Variants in TBCK observed in about 807,000 individuals in gnomAD.
The protein encoded by TBCK is TBC1 domain containing kinase, also known as TBC domain-containing protein kinase-like protein.
A neutral mutation model predicts 113.4 loss-of-function variants in TBCK; 99 were observed. The observed-to-expected ratio is 0.87, with a 90% CI of 0.74 to 1.03. TBCK has a LOEUF of 1.03. Ranked by LOEUF, TBCK falls within the 50% of genes least tolerant of loss-of-function variation. The pLI, the probability that TBCK is intolerant of heterozygous loss-of-function variation, is 0.00. For synonymous variants in TBCK, 369 were observed against 370.8 expected (o/e 1.00, Z 0.05); for missense variants, 1,045 against 1,061.3 (o/e 0.98, Z 0.21).
chr4:106,144,607 T>A (rs933626548), intron 23 of TBCK, among the ~76,000 whole-genome samples: 2 of 152,234 alleles, frequency 1.3e-5, no homozygotes, highest in African/African-American at 4.8e-5. Context: ...TTTAAAATTA[T>A]GAGAGGGACA....
In TBCK at chr4:106,278,838, A is replaced by G. The variant is rs190979776; in HGVS notation, c.266+16256T>C. Among the ~76,000 whole-genome samples the G allele has an allele frequency of 3.6e-3, 551 of 152,094 alleles. 3 individuals are homozygous for G. Among genetic ancestry groups the G allele is most frequent in the African/African-American group, 0.013 (523 of 41,538 alleles). ...AACTCATAAAACACTATAAATTTTA[A>G]GGATGCATAATGTAAACTCTATTGC... On this transcript the variant is annotated intron_variant, in intron 3 of 25. Coordinates refer to ENST00000394708, the MANE Select transcript of TBCK (RefSeq NM_001163435.3).
At chr4:106,092,757 C>T (rs1050808262) in intron 25 of TBCK, among the ~76,000 whole-genome samples, 10 of 152,240 alleles carry the variant, frequency 6.6e-5, no homozygotes, top group Admixed American at 6.5e-4. Flanking sequence ...AGTCCCGGTT[C>T]CCGCCTGTGC....
intron 2 of TBCK, among the ~76,000 whole-genome samples, chr4:106,307,414 G>A (rs1469957856): frequency 1.3e-5 from 2 of 151,814 alleles, no homozygotes; most frequent in East Asian, 1.9e-4. Context: ...AAATTTTAAC[G>A]ATTAATAATT....
chr4:106,217,517 A>G (rs1421465985), intron 19 of TBCK, among the ~76,000 whole-genome samples: 1 of 152,202 alleles, frequency 6.6e-6, no homozygotes, highest in South Asian at 2.1e-4. Context: ...AACTTCAGCA[A>G]AGTCTCAGGA....
At chr4:106,191,831 T>G (rs1753703619) in intron 22 of TBCK, among the ~76,000 whole-genome samples, 1 of 152,170 alleles carries the variant, frequency 6.6e-6, no homozygotes, top group Non-Finnish European at 1.5e-5. Context: ...CCTATTTGAA[T>G]AGCATGCTCT....
intron 3 of TBCK, among the ~76,000 whole-genome samples, chr4:106,274,209 T>A (rs1763785779): frequency 6.6e-6 from 1 of 152,156 alleles, no homozygotes; most frequent in Non-Finnish European, 1.5e-5. Context: ...TAACAAATGT[T>A]GGTAAGGATG....
chr4:106,159,688 A>C (rs1749535560), intron 23 of TBCK, among the ~76,000 whole-genome samples: 1 of 152,100 alleles, frequency 6.6e-6, no homozygotes, highest in South Asian at 2.1e-4. Flanking sequence ...TAATATTGTT[A>C]AGATATCAAT....
At chr4:106,124,402 G>GGTGGTT (rs1347124162) in intron 23 of TBCK, among the ~76,000 whole-genome samples, 2 of 152,146 alleles carry the variant, frequency 1.3e-5, no homozygotes, top group Non-Finnish European at 2.9e-5. Context: ...CACTGTTGGT[G>GGTGGTT]GAACTGTAAA....
chr4:106,119,947 C>G (rs1423511795), intron 23 of TBCK, among the ~76,000 whole-genome samples: 1 of 151,868 alleles, frequency 6.6e-6, no homozygotes, highest in Non-Finnish European at 1.5e-5. Flanking sequence ...AAATCAAAAC[C>G]ACAATGTGAG....
intron 23 of TBCK, among the ~76,000 whole-genome samples, chr4:106,167,655 T>G (rs767632209): frequency 7.3e-5 from 11 of 151,502 alleles, no homozygotes; most frequent in Non-Finnish European, 1.6e-4. Context: ...ATTATTCAAA[T>G]TACAAATAGC....
intron 19 of TBCK, among the ~76,000 whole-genome samples, chr4:106,229,954 G>A (rs1283483098): frequency 1.3e-5 from 2 of 151,848 alleles, no homozygotes; most frequent in African/African-American, 4.8e-5. Flanking sequence ...TATATTTTGG[G>A]TATGCATGCA....
chr4:106,071,598 T>A (rs904359874), intron 25 of TBCK, among the ~76,000 whole-genome samples: 1 of 152,226 alleles, frequency 6.6e-6, no homozygotes, highest in Admixed American at 6.5e-5. Flanking sequence ...AAGAGTTCTG[T>A]AGATGTCTAT....
chr4:106,109,018 T>C (rs200945852), intron 24 of TBCK, among the ~76,000 whole-genome samples: 75 of 140,570 alleles, frequency 5.3e-4, no homozygotes, highest in Non-Finnish European at 8.2e-4. Context: ...GACACACACA[T>C]ACACACACAC....
At chr4:106,168,128 TAAAACA>T (rs1750603144) in intron 23 of TBCK, among the ~76,000 whole-genome samples, 1 of 151,786 alleles carries the variant, frequency 6.6e-6, no homozygotes, top group South Asian at 2.1e-4. Context: ...CAACAATGTA[TAAAACA>T]AATTATATAC....
intron 24 of TBCK, among the ~76,000 whole-genome samples, chr4:106,096,712 T>C (rs1486086921): frequency 6.6e-6 from 1 of 152,168 alleles, no homozygotes; most frequent in Non-Finnish European, 1.5e-5. Context: ...TGATGGTGGA[T>C]ATATGATGCA....
rs1746505313 is a variant in TBCK at position 106,135,953 on chromosome 4, G to A, written c.2236-19575C>T. On this transcript the variant is annotated intron_variant, in intron 23 of 25. Coordinates refer to ENST00000394708, the MANE Select transcript of TBCK (RefSeq NM_001163435.3). ...ACAGATATGTACTGCAGGATTTTTC[G>A]AGGAATGTGTCACATAGTAATAACA... Among the ~76,000 whole-genome samples the A allele has an allele frequency of 3.5e-5, 5 of 141,238 alleles. 1 individual carries two copies. The highest frequency in any genetic ancestry group is 3.2e-5 in the Non-Finnish European group (2 of 62,266). The allele number at this position is 141,238 out of a possible 152,430, so 92.7% of individuals were successfully genotyped here. A position where few individuals can be genotyped will look rare whatever the true frequency, so the allele number is the denominator to read the frequency against.
intron 25 of TBCK, among the ~76,000 whole-genome samples, chr4:106,066,627 C>T (rs1046008373): frequency 1.3e-5 from 2 of 151,912 alleles, no homozygotes; most frequent in African/African-American, 4.8e-5. Flanking sequence ...CTAGTTATTT[C>T]CAATTTTTTT....
chr4:106,251,470 A>C (rs1366607147), intron 6 of TBCK, among the ~76,000 whole-genome samples: 1 of 152,004 alleles, frequency 6.6e-6, no homozygotes, highest in East Asian at 1.9e-4. Flanking sequence ...CATTGAAAAA[A>C]AGCTGCTATT....
At chr4:106,293,021 C>A (rs1765884716) in intron 3 of TBCK, among the ~76,000 whole-genome samples, 1 of 152,310 alleles carries the variant, frequency 6.6e-6, no homozygotes, top group East Asian at 1.9e-4. Context: ...TGGTGCAGAT[C>A]ACCTATCTCA....
Sources: gnomAD v4.1 joint callset for allele counts (sites outside exome capture counted in the v4.1 genomes callset) on GRCh38, gnomAD v4.1.1 for gene constraint, MANE v1.5 for transcripts, NCBI Gene and HGNC (gene_info 2026-07-23, HGNC 2026-07-21) for gene names.